NKAIN2: variants seen among roughly 807,000 people sequenced by gnomAD.
NKAIN2 encodes the protein sodium/potassium transporting ATPase interacting 2.
Under a neutral mutation model 32.6 loss-of-function variants are expected in NKAIN2, and 14 were observed. That is an observed-to-expected ratio of 0.43 (90% CI 0.28 to 0.67). NKAIN2 has a LOEUF of 0.67. NKAIN2 is among the 30% of genes least tolerant of loss of function. NKAIN2 has a pLI of 0.17. For synonymous variants in NKAIN2, 80 were observed against 87.2 expected (o/e 0.92, Z 0.46); for missense variants, 198 against 258.3 (o/e 0.77, Z 1.60).
At chr6:124,311,486 G>A (rs192280979) in intron 2 of NKAIN2, among the ~76,000 whole-genome samples, 93 of 152,184 alleles carry the variant, frequency 6.1e-4, no homozygotes, top group African/African-American at 2.1e-3. Flanking sequence ...TATATCCACT[G>A]CCACCATGGA....
chr6:123,804,303 T>C, intron 1 of NKAIN2, 49 bp downstream of exon 1: 1 of 1,492,746 alleles, frequency 6.7e-7, no homozygotes, highest in East Asian at 2.3e-5. Context: ...TTTGAGATAG[T>C]GGGCAGGGGA....
chr6:123,887,793 T>G (rs1408493164), intron 1 of NKAIN2, among the ~76,000 whole-genome samples: 1 of 152,134 alleles, frequency 6.6e-6, no homozygotes, highest in African/African-American at 2.4e-5. Flanking sequence ...TGCCCTATTA[T>G]CTATCATTTC....
At chr6:124,122,879 A>C (rs1487068331) in intron 1 of NKAIN2, among the ~76,000 whole-genome samples, 7 of 152,124 alleles carry the variant, frequency 4.6e-5, no homozygotes, top group Admixed American at 4.6e-4. Context: ...CAACAACAAC[A>C]AAACAGAAAG....
At chr6:124,028,913 GTATATATATGTGTATATA>G (rs1781277675) in intron 1 of NKAIN2, among the ~76,000 whole-genome samples, 1 of 13,820 alleles carries the variant, frequency 7.2e-5, no homozygotes, top group African/African-American at 5.2e-4. Context: ...ACACATATAT[GTATATATATGTGTATATA>G]TATATATATA....
chr6:124,248,837 G>C (rs1208196820), intron 1 of NKAIN2, among the ~76,000 whole-genome samples: 1 of 152,062 alleles, frequency 6.6e-6, no homozygotes, highest in African/African-American at 2.4e-5. Context: ...TCTGCTTGCC[G>C]ACATCAGTGT....
At chr6:124,234,586 A>G (rs753124458) in intron 1 of NKAIN2, among the ~76,000 whole-genome samples, 2 of 152,144 alleles carry the variant, frequency 1.3e-5, no homozygotes, top group Non-Finnish European at 2.9e-5. Flanking sequence ...CCACCATACT[A>G]TATAGGATTT....
intron 1 of NKAIN2, among the ~76,000 whole-genome samples, chr6:124,086,335 A>G (rs1784189944): frequency 6.6e-6 from 1 of 152,016 alleles, no homozygotes; most frequent in African/African-American, 2.4e-5. Flanking sequence ...ACATTTTCTG[A>G]ATCTATATTC....
intron 3 of NKAIN2, among the ~76,000 whole-genome samples, chr6:124,399,877 G>A (rs549800335): frequency 1.2e-4 from 18 of 152,288 alleles, no homozygotes; most frequent in African/African-American, 4.1e-4. Context: ...GTGACGATCA[G>A]TGAATTCATT....
chr6:123,861,322 A>G (rs1775778800), intron 1 of NKAIN2, among the ~76,000 whole-genome samples: 1 of 152,240 alleles, frequency 6.6e-6, no homozygotes, highest in Non-Finnish European at 1.5e-5. Context: ...AGCTTTCTAA[A>G]TATCTGCTCA....
At chr6:124,095,947 A>G (rs1240603435) in intron 1 of NKAIN2, among the ~76,000 whole-genome samples, 1 of 152,206 alleles carries the variant, frequency 6.6e-6, no homozygotes, top group Non-Finnish European at 1.5e-5. Context: ...CTGGGCCCAG[A>G]GATCTCTTTG....
At chr6:123,916,388 G>C (rs1775497922) in intron 1 of NKAIN2, among the ~76,000 whole-genome samples, 1 of 152,004 alleles carries the variant, frequency 6.6e-6, no homozygotes, top group Non-Finnish European at 1.5e-5. Flanking sequence ...AAGTAGGTGG[G>C]ATTAAAGGTG....
chr6:124,483,178 A>G (rs995466450), intron 3 of NKAIN2, among the ~76,000 whole-genome samples: 2 of 152,198 alleles, frequency 1.3e-5, no homozygotes, highest in African/African-American at 4.8e-5. Context: ...CAAAGCTGAA[A>G]TTTTAACAGC....
chr6:124,588,090 ACT>A (rs1404436203), intron 3 of NKAIN2, among the ~76,000 whole-genome samples: 1 of 152,094 alleles, frequency 6.6e-6, no homozygotes, highest in African/African-American at 2.4e-5. Flanking sequence ...TATTCACTTG[ACT>A]CTGTGTCATT....
In NKAIN2 at chr6:124,337,836, C is replaced by T. The variant is rs778810037; in HGVS notation, c.193-17431C>T. Among the ~76,000 whole-genome samples, 271 of 152,266 alleles carry T rather than the reference C, an allele frequency of 1.8e-3. 8 individuals are homozygous for T. The highest frequency in any genetic ancestry group is 6.0e-4 in the Non-Finnish European group (41 of 68,032). ...TGAGCAAAACACTTCCCAATAGTCTCACAGGTAATAGTTTACAGATGTGCT... is the reference window on the plus strand; with the variant it reads ...TGAGCAAAACACTTCCCAATAGTCTTACAGGTAATAGTTTACAGATGTGCT... On this transcript the variant is annotated intron_variant, in intron 2 of 6. Transcript: ENST00000368417.
chr6:124,478,312 G>C (rs905946917), intron 3 of NKAIN2, among the ~76,000 whole-genome samples: 12 of 152,296 alleles, frequency 7.9e-5, no homozygotes, highest in South Asian at 2.1e-4. Flanking sequence ...TATTTATCAA[G>C]CCAAAATTAA....
chr6:123,899,340 A>C (rs1030756851), intron 1 of NKAIN2, among the ~76,000 whole-genome samples: 4 of 150,924 alleles, frequency 2.7e-5, no homozygotes, highest in Non-Finnish European at 5.9e-5. Context: ...TATTCCCTTC[A>C]TTTTCTTTCC....
intron 1 of NKAIN2, among the ~76,000 whole-genome samples, chr6:123,913,503 C>A (rs1240071651): frequency 6.6e-6 from 1 of 152,130 alleles, no homozygotes; most frequent in Non-Finnish European, 1.5e-5. Context: ...AATAATCAGA[C>A]CCTTCTTACT....
chr6:124,141,424 CAT>C (rs1787132980), intron 1 of NKAIN2, among the ~76,000 whole-genome samples: 1 of 151,910 alleles, frequency 6.6e-6, no homozygotes, highest in African/African-American at 2.4e-5. Flanking sequence ...GTATAACAAA[CAT>C]AAAATATGAA....
chr6:124,200,131 G>T (rs2114621850), intron 1 of NKAIN2, among the ~76,000 whole-genome samples: 1 of 152,210 alleles, frequency 6.6e-6, no homozygotes, highest in Middle Eastern at 3.4e-3. Context: ...ATTATCCACA[G>T]CCAGATGACA....
Sources: allele counts gnomAD v4.1 joint callset (sites outside exome capture counted in the v4.1 genomes callset), GRCh38; gene constraint gnomAD v4.1.1; transcripts MANE v1.5; gene names NCBI Gene and HGNC (gene_info 2026-07-23, HGNC 2026-07-21).